Variants in UGCG observed in about 807,000 individuals in gnomAD.
UGCG encodes UDP-glucose ceramide glucosyltransferase, also known as ceramide glucosyltransferase.
A neutral mutation model predicts 49.5 loss-of-function variants in UGCG; 10 were observed. That is an observed-to-expected ratio of 0.20 (90% confidence interval 0.12 to 0.34). UGCG has a LOEUF of 0.34. Among genes scored for constraint, UGCG ranks in the 10% least tolerant of loss-of-function variants. The pLI is 1.00. For missense variants in UGCG, 312 were observed against 483.7 expected (o/e 0.65, Z 3.33); for synonymous variants, 182 against 158.2 (o/e 1.15, Z -1.13).
At chr9:111,916,206 G>A (rs973617833) in intron 2 of UGCG, among the ~76,000 whole-genome samples, 4 of 152,094 alleles carry the variant, frequency 2.6e-5, no homozygotes, top group African/African-American at 9.7e-5. Context: ...AAATGCAAAG[G>A]AGAATTAATG....
chr9:111,908,452 T>C (rs1837932820), intron 1 of UGCG, among the ~76,000 whole-genome samples: 1 of 152,218 alleles, frequency 6.6e-6, no homozygotes, highest in Admixed American at 6.5e-5. Flanking sequence ...ACGAGAGGAC[T>C]TCTGGGGTTC....
At chr9:111,925,596 G>GC (rs1838300924) in intron 4 of UGCG, among the ~76,000 whole-genome samples, 1 of 152,204 alleles carries the variant, frequency 6.6e-6, no homozygotes, top group South Asian at 2.1e-4. Context: ...GGGCAGAATT[G>GC]CCCCCAGTTG....
intron 1 of UGCG, among the ~76,000 whole-genome samples, chr9:111,911,734 T>C (rs1042216132): frequency 1.3e-5 from 2 of 150,618 alleles, no homozygotes; most frequent in African/African-American, 2.4e-5. Context: ...CCCATCTCCA[T>C]AAAAAAATAA....
In UGCG at chr9:111,911,929, T is replaced by TATATATATATATTCAACAGG. The variant is rs1589521155; in HGVS notation, c.99-2664_99-2663insTCAACAGGATATATATATAT. ...GGATATATATATATATATATATATA[T>TATATATATATATTCAACAGG]ATATATATATATATATATATATATA... is the stretch of plus-strand genomic sequence containing the variant. On this transcript the variant is annotated intron_variant, in intron 1 of 8. Coordinates refer to ENST00000374279, the MANE Select transcript of UGCG (RefSeq NM_003358.3). Among the ~76,000 whole-genome samples the TATATATATATATTCAACAGG allele has an allele frequency of 1.9e-4, 5 of 25,730 alleles. No individual in the cohort carries two copies. In the East Asian group the frequency reaches 0.015, roughly 78 times the overall value. 16.9% of individuals were successfully genotyped at this position (25,730 alleles called of 152,430 possible).
At chr9:111,904,135 TA>T (rs1837830621) in intron 1 of UGCG, among the ~76,000 whole-genome samples, 1 of 152,236 alleles carries the variant, frequency 6.6e-6, no homozygotes, top group African/African-American at 2.4e-5. Context: ...TGGCTTCATT[TA>T]ATTCTCCATT....
At chr9:111,899,149 A>G (rs904536049) in intron 1 of UGCG, among the ~76,000 whole-genome samples, 1 of 152,252 alleles carries the variant, frequency 6.6e-6, no homozygotes, top group African/African-American at 2.4e-5. Context: ...TCTAGATTAC[A>G]AAGAACACTG....
chr9:111,923,647 T>G (rs1838267851), intron 3 of UGCG, among the ~76,000 whole-genome samples: 1 of 152,158 alleles, frequency 6.6e-6, no homozygotes. Flanking sequence ...TTTTTTTTCT[T>G]TGATACGAAT....
At chr9:111,922,739 T>G (rs1283867148) in intron 2 of UGCG, 110 bp from the exon 3 acceptor site, 2 of 626,086 alleles carry the variant, frequency 3.2e-6, no homozygotes, top group Admixed American at 3.7e-5. Context: ...TTTAAAACTT[T>G]GCATAATACA....
In UGCG at chr9:111,935,218, T is replaced by C. The variant is rs1427145124; in HGVS notation, c.*2221T>C. On this transcript the variant is annotated 3_prime_UTR_variant, in exon 9 of 9. Transcript: ENST00000374279. ...ATAAAATGGTAAGAAATAATATAAA[T>C]GTTGAAGAAAGCATCACAACAGAAC... 1.3e-5 allele frequency: 2 copies of C among 152,138 alleles called. No individual in the cohort carries two copies. Among genetic ancestry groups the C allele is most frequent in the African/African-American group, 4.8e-5 (2 of 41,432 alleles). 9.4% of individuals were successfully genotyped at this position (152,138 alleles called of 1,614,324 possible).
intron 2 of UGCG, among the ~76,000 whole-genome samples, chr9:111,922,496 C>A (rs912039712): frequency 6.6e-6 from 1 of 152,152 alleles, no homozygotes; most frequent in African/African-American, 2.4e-5. Context: ...CTGCTAGGCA[C>A]CCTGTGAGCA....
At chr9:111,919,152 A>G (rs1838171062) in intron 2 of UGCG, among the ~76,000 whole-genome samples, 1 of 152,172 alleles carries the variant, frequency 6.6e-6, no homozygotes, top group Non-Finnish European at 1.5e-5. Context: ...GAATTGCATT[A>G]CTTATAAACA....
chr9:111,929,452 C>A, intron 5 of UGCG, 48 bp from the exon 6 acceptor site: 1 of 1,564,320 alleles, frequency 6.4e-7, no homozygotes, highest in Non-Finnish European at 8.7e-7. Flanking sequence ...GAACACCATG[C>A]TTTTAACATG....
chr9:111,926,361 T>C (rs1329075655), intron 4 of UGCG, 23 bp from the exon 5 acceptor site: 1 of 1,569,490 alleles, frequency 6.4e-7, no homozygotes, highest in Admixed American at 1.8e-5. Context: ...TCTCCCCCTC[T>C]CTGCCTTTTT....
At chr9:111,901,671 T>C (rs1837775123) in intron 1 of UGCG, among the ~76,000 whole-genome samples, 1 of 152,190 alleles carries the variant, frequency 6.6e-6, no homozygotes, top group African/African-American at 2.4e-5. Context: ...ATCCTGCACA[T>C]GTACCCCTGA....
At chr9:111,912,929 CTG>C (rs1297213806) in intron 1 of UGCG, among the ~76,000 whole-genome samples, 2 of 152,072 alleles carry the variant, frequency 1.3e-5, no homozygotes, top group East Asian at 3.9e-4. Context: ...GTGTGTAAAA[CTG>C]TATGGCCTTA....
At chr9:111,906,499 G>A (rs749412669) in intron 1 of UGCG, among the ~76,000 whole-genome samples, 91 of 152,116 alleles carry the variant, frequency 6.0e-4, no homozygotes, top group Non-Finnish European at 1.1e-3. Flanking sequence ...GTACGGACTC[G>A]GCTCACCACA....
intron 6 of UGCG, 59 bp from the exon 7 acceptor site, chr9:111,931,212 C>T: frequency 6.7e-7 from 1 of 1,502,428 alleles, no homozygotes; most frequent in South Asian, 1.2e-5. Context: ...AATGCATAAC[C>T]AGTTACGCTT....
chr9:111,909,104 A>G (rs1837946138), intron 1 of UGCG, among the ~76,000 whole-genome samples: 1 of 152,118 alleles, frequency 6.6e-6, no homozygotes, highest in Admixed American at 6.5e-5. Flanking sequence ...TTTTTAGTAG[A>G]GATGGGGGTT....
At chr9:111,918,474 C>T (rs977968460) in intron 2 of UGCG, among the ~76,000 whole-genome samples, 9 of 152,308 alleles carry the variant, frequency 5.9e-5, no homozygotes, top group Admixed American at 1.3e-4. Context: ...GGAATGCTGC[C>T]TCCAATTTGG....
Sources: allele counts gnomAD v4.1 joint callset (sites outside exome capture counted in the v4.1 genomes callset), GRCh38; gene constraint gnomAD v4.1.1; transcripts MANE v1.5; gene names NCBI Gene and HGNC (gene_info 2026-07-23, HGNC 2026-07-21).